RANBP17: variants seen among roughly 807,000 people sequenced by gnomAD.
RANBP17 encodes ran-binding protein 17.
Under a neutral mutation model 141.2 loss-of-function variants are expected in RANBP17, and 158 were observed. The observed-to-expected ratio is 1.12, with a 90% CI of 0.98 to 1.28. The LOEUF is 1.28. Among genes scored for constraint, RANBP17 ranks in the 50% most tolerant of loss-of-function variants. The pLI, the probability that RANBP17 is intolerant of heterozygous loss-of-function variation, is 0.00. For missense variants in RANBP17, 1,438 were observed against 1,290.7 expected, an observed-to-expected ratio of 1.11 and a Z score of -1.75; for synonymous variants, 430 against 450.0, an observed-to-expected ratio of 0.96 and a Z score of 0.56.
intron 16 of RANBP17, among the ~76,000 whole-genome samples, chr5:171,177,348 T>A (rs938551252): frequency 2.6e-5 from 4 of 152,134 alleles, no homozygotes; most frequent in Non-Finnish European, 4.4e-5. Context: ...TTTGATCTGA[T>A]CATTTCTCTT....
chr5:171,288,620 A>G (rs1768305501), intron 25 of RANBP17, among the ~76,000 whole-genome samples: 2 of 152,212 alleles, frequency 1.3e-5, no homozygotes, highest in African/African-American at 2.4e-5. Flanking sequence ...TCAGATCCTT[A>G]GTCTATAAAA....
chr5:171,277,647 A>ATATATATATATATATATT (rs1767595793), intron 25 of RANBP17, among the ~76,000 whole-genome samples: 14 of 98,070 alleles, frequency 1.4e-4, no homozygotes, highest in African/African-American at 4.2e-4. Flanking sequence ...GTATATATAT[A>ATATATATATATATATATT]TATATATATA....
Position 171,204,216 on chromosome 5 carries a change from A to G in RANBP17, c.2143-1308A>G, listed in dbSNP as rs530580572. Among the ~76,000 whole-genome samples, 3 of 152,366 alleles carry G rather than the reference A, an allele frequency of 2.0e-5. No homozygotes were observed. The South Asian group carries it at 6.2e-4, about 32-fold the overall frequency. On this transcript the variant is annotated intron_variant, in intron 19 of 27. Coordinates refer to ENST00000523189, the MANE Select transcript of RANBP17 (RefSeq NM_022897.5). ...TCAAGATTCAGAAATTCAGATAACC[A>G]TCATTCTGTGAACTGTTAGACAGTG...
chr5:171,229,406 T>G (rs578188107), intron 22 of RANBP17, among the ~76,000 whole-genome samples: 2 of 152,256 alleles, frequency 1.3e-5, no homozygotes, highest in Middle Eastern at 3.4e-3. Flanking sequence ...TTGTTTTTTT[T>G]GTTTGTTTTT....
At chr5:171,010,669 A>G (rs989993203) in intron 14 of RANBP17, among the ~76,000 whole-genome samples, 9 of 152,148 alleles carry the variant, frequency 5.9e-5, no homozygotes, top group African/African-American at 2.2e-4. Flanking sequence ...GGGAAAAATG[A>G]GGAAATTCCC....
chr5:171,087,201 C>A (rs1443580537), intron 14 of RANBP17, among the ~76,000 whole-genome samples: 1 of 151,128 alleles, frequency 6.6e-6, no homozygotes. Flanking sequence ...ATCTTTATTT[C>A]TGCCTTCATT....
chr5:171,271,075 C>CCTTTTTTTTTTTTTTTT lies in RANBP17; in HGVS notation c.2943+5228_2943+5229insCTTTTTTTTTTTTTTTT, dbSNP rs1767076411. On this transcript the variant is annotated intron_variant, in intron 25 of 27. Transcript: ENST00000523189. Reference sequence around the variant, plus strand: ...TTTCTCCCTCCTTTTTATGTTATTTCTTTTTTTTTTTTTTTTTTTTTTTTT... The same window carrying CCTTTTTTTTTTTTTTTT: ...TTTCTCCCTCCTTTTTATGTTATTTCCTTTTTTTTTTTTTTTTTTTTTTTTTTTTTTTTTTTTTTTTT... 2.0e-3 allele frequency: 54 copies of CCTTTTTTTTTTTTTTTT among 27,568 alleles called. 1 individual carries two copies. Among genetic ancestry groups the CCTTTTTTTTTTTTTTTT allele is most frequent in the Non-Finnish European group, 2.3e-3 (33 of 14,666 alleles). 1.7% of individuals were successfully genotyped at this position (27,568 alleles called of 1,614,324 possible).
intron 11 of RANBP17, among the ~76,000 whole-genome samples, chr5:170,921,594 CT>C (rs1772471468): frequency 6.6e-6 from 1 of 151,590 alleles, no homozygotes; most frequent in African/African-American, 2.4e-5. Context: ...TCCATATGAA[CT>C]TTAAAGTAGC....
At chr5:170,955,685 CTGAA>C (rs1193780608) in intron 13 of RANBP17, among the ~76,000 whole-genome samples, 4 of 40,578 alleles carry the variant, frequency 9.9e-5, no homozygotes, top group Admixed American at 5.4e-4. Context: ...TATATATACA[CTGAA>C]TGAACTCTGT....
chr5:171,240,320 A>G (rs1023693604), intron 22 of RANBP17, among the ~76,000 whole-genome samples: 1 of 152,158 alleles, frequency 6.6e-6, no homozygotes, highest in Non-Finnish European at 1.5e-5. Context: ...TTTAAGTACA[A>G]TTTTTAAAAC....
intron 23 of RANBP17, 87 bp from the exon 24 acceptor site, chr5:171,242,595 C>T (rs1764949982): frequency 1.5e-6 from 2 of 1,366,238 alleles, no homozygotes; most frequent in African/African-American, 1.5e-5. Flanking sequence ...TTACAATTTC[C>T]AGTATTATAA....
At chr5:171,035,109 G>A (rs1470515841) in intron 14 of RANBP17, among the ~76,000 whole-genome samples, 1 of 152,158 alleles carries the variant, frequency 6.6e-6, no homozygotes, top group Non-Finnish European at 1.5e-5. Context: ...AGATGGGGTT[G>A]TTATATATAT....
intron 25 of RANBP17, among the ~76,000 whole-genome samples, chr5:171,270,341 A>C (rs1767012559): frequency 6.6e-6 from 1 of 152,198 alleles, no homozygotes; most frequent in South Asian, 2.1e-4. Flanking sequence ...ATTTGAAGTA[A>C]AAACAATTGC....
chr5:171,098,323 G>A (rs1208498834), intron 14 of RANBP17, among the ~76,000 whole-genome samples: 3 of 152,026 alleles, frequency 2.0e-5, no homozygotes, highest in Non-Finnish European at 4.4e-5. Context: ...TGTAATGATG[G>A]CCATTCTAAC....
chr5:171,113,612 A>G (rs1455627649), intron 14 of RANBP17, among the ~76,000 whole-genome samples: 2 of 152,138 alleles, frequency 1.3e-5, no homozygotes, highest in African/African-American at 4.8e-5. Context: ...CAGATAAGGA[A>G]ATTGAGTCCT....
chr5:170,914,161 TCCCAG>T lies in RANBP17; in HGVS notation c.761-5_761-1del. 1 of 1,587,086 alleles carries T rather than the reference TCCCAG, an allele frequency of 6.3e-7. No homozygotes were observed. Among genetic ancestry groups the T allele is most frequent in the African/African-American group, 1.3e-5 (1 of 74,474 alleles). On this transcript the variant is annotated splice_acceptor_variant and splice_polypyrimidine_tract_variant and intron_variant, in intron 7 of 27. Transcript: ENST00000523189. LOFTEE classifies it high-confidence loss of function. ...AATGGTGTTAGAAAATAATTTTTTT[TCCCAG>T]TTTTCCTGGAACCAGAAACATTGGA...
chr5:171,040,501 A>G (rs574005232), intron 14 of RANBP17, among the ~76,000 whole-genome samples: 3 of 152,154 alleles, frequency 2.0e-5, no homozygotes, highest in Non-Finnish European at 4.4e-5. Context: ...GAGTCTGCTA[A>G]AGTTTGTGAA....
In RANBP17 at chr5:171,024,055, G is replaced by A. The variant is rs541904075; in HGVS notation, c.1710+55678G>A. Among the ~76,000 whole-genome samples the A allele has an allele frequency of 3.5e-4, 53 of 152,258 alleles. 1 individual carries two copies. In the South Asian group the frequency reaches 0.011, roughly 30 times the overall value. On this transcript the variant is annotated intron_variant, in intron 14 of 27. Transcript: ENST00000523189. The stretch of plus-strand genomic sequence containing the variant: ...AATATTCATTGAATCCACTAGGAAC[G>A]ACATTCCTTCTTTAGATGCTAGAAT...
intron 14 of RANBP17, among the ~76,000 whole-genome samples, chr5:171,088,218 T>C (rs988048520): frequency 6.6e-6 from 1 of 151,832 alleles, no homozygotes; most frequent in African/African-American, 2.4e-5. Context: ...TCTCCTTCAC[T>C]TATGAAGCTT....
Sources: gnomAD v4.1 joint callset for allele counts (sites outside exome capture counted in the v4.1 genomes callset) on GRCh38, gnomAD v4.1.1 for gene constraint, MANE v1.5 for transcripts, NCBI Gene and HGNC (gene_info 2026-07-23, HGNC 2026-07-21) for gene names.